Variants in PIK3C2G observed in about 807,000 individuals in gnomAD.
PIK3C2G encodes phosphatidylinositol 3-kinase C2 domain-containing subunit gamma.
PIK3C2G carries 168 observed loss-of-function variants against 181.1 expected under a neutral mutation model. The ratio of observed to expected loss-of-function variants is 0.93; its 90% CI spans 0.82 to 1.05. The LOEUF (loss-of-function observed/expected upper bound fraction) is 1.05, where lower values mean the gene tolerates loss of function less well. Ranked by LOEUF, PIK3C2G falls within the 50% of genes least tolerant of loss-of-function variation. The pLI, the probability that PIK3C2G is intolerant of heterozygous loss-of-function variation, is 0.00. For missense variants in PIK3C2G, 1,869 were observed against 1,732.8 expected (o/e 1.08, Z -1.40); for synonymous variants, 573 against 592.2 (o/e 0.97, Z 0.47).
chr12:18,703,739 C>T, the PIK3C2G span, among the ~76,000 whole-genome samples: 3 of 152,030 alleles, frequency 2.0e-5, no homozygotes, highest in Non-Finnish European at 2.9e-5. Flanking sequence ...TCACTTTTTC[C>T]CACACCAGGA....
intron 26 of PIK3C2G, among the ~76,000 whole-genome samples, chr12:18,549,334 A>C (rs2136284599): frequency 6.6e-6 from 1 of 152,238 alleles, no homozygotes; most frequent in African/African-American, 2.4e-5. Context: ...CCTATTTAAC[A>C]GAAAATGCAA....
rs141145312 is a variant in PIK3C2G, at chr12:18,359,399, T to C, written c.1626-3365T>C. Among the ~76,000 whole-genome samples, 54 of 152,346 alleles carry C rather than the reference T, an allele frequency of 3.5e-4. No individual in the cohort carries two copies. The Middle Eastern group carries it at 0.01, about 29-fold the overall frequency. On this transcript the variant is annotated intron_variant, in intron 11 of 32. Transcript: ENST00000538779. ...GTTTCCTGTTTGCTTCAGAAGAATA[T>C]GTATTCTGCTCCTGCTGAGTGGAAT...
chr12:18,244,678 G>A (rs10743262), upstream of PIK3C2G, among the ~76,000 whole-genome samples: 65,395 of 151,842 alleles, frequency 0.43, 14,645 homozygotes, highest in East Asian at 0.75. Context: ...GCACTGCCGC[G>A]ATGCTATCAA....
intron 25 of PIK3C2G, among the ~76,000 whole-genome samples, chr12:18,544,597 G>A (rs935872288): frequency 1.3e-5 from 2 of 151,818 alleles, no homozygotes; most frequent in African/African-American, 4.8e-5. Flanking sequence ...CCAGGAAAAA[G>A]AGAGAATCAA....
chr12:18,291,061 G>T, intron 4 of PIK3C2G, 49 bp downstream of exon 4: 1 of 1,124,258 alleles, frequency 8.9e-7, no homozygotes, highest in Non-Finnish European at 1.3e-6. Flanking sequence ...AGCTGGTATT[G>T]GCGACGTAGC....
intron 7 of PIK3C2G, among the ~76,000 whole-genome samples, chr12:18,322,350 C>A (rs931623379): frequency 6.7e-6 from 1 of 150,160 alleles, no homozygotes; most frequent in African/African-American, 2.5e-5. Flanking sequence ...CCACTGTACT[C>A]CAGCTTGGGT....
intron 29 of PIK3C2G, among the ~76,000 whole-genome samples, chr12:18,580,939 T>C (rs1315670621): frequency 6.6e-6 from 1 of 152,190 alleles, no homozygotes; most frequent in Non-Finnish European, 1.5e-5. Flanking sequence ...AGTTAATAAA[T>C]GGGAATGCTC....
At chr12:18,636,148 C>T (rs1377503438) in intron 31 of PIK3C2G, among the ~76,000 whole-genome samples, 1 of 152,156 alleles carries the variant, frequency 6.6e-6, no homozygotes, top group African/African-American at 2.4e-5. Context: ...TTGATGTACC[C>T]CTGAGGTAGG....
chr12:18,585,049 A>C (rs1317230516), intron 29 of PIK3C2G, among the ~76,000 whole-genome samples: 1 of 152,198 alleles, frequency 6.6e-6, no homozygotes, highest in Non-Finnish European at 1.5e-5. Flanking sequence ...AGGAGCACTA[A>C]ATATAGAAAG....
At chr12:18,247,314 G>A (rs992203663), upstream of PIK3C2G, among the ~76,000 whole-genome samples, 1 of 152,188 alleles carries the variant, frequency 6.6e-6, no homozygotes, top group African/African-American at 2.4e-5. Flanking sequence ...GAGAAAAACA[G>A]GACAATTAGA....
upstream of PIK3C2G, among the ~76,000 whole-genome samples, chr12:18,243,087 C>A (rs1948001648): frequency 6.6e-6 from 1 of 151,836 alleles, no homozygotes; most frequent in South Asian, 2.1e-4. Flanking sequence ...TGAAATGTAT[C>A]CTGAAATGAA....
intron 22 of PIK3C2G, among the ~76,000 whole-genome samples, chr12:18,501,295 T>C (rs1163202591): frequency 6.6e-6 from 1 of 152,126 alleles, no homozygotes; most frequent in East Asian, 1.9e-4. Context: ...CAAGGGCCTT[T>C]TTCACAAGGT....
Position 18,562,779 on chromosome 12 carries a change from A to C in PIK3C2G, c.3667A>C (p.Ile1223Leu). The C allele has an allele frequency of 1.2e-6, 2 of 1,608,256 alleles. No individual in the cohort carries two copies. Among genetic ancestry groups the C allele is most frequent in the Non-Finnish European group, 1.7e-6 (2 of 1,176,636 alleles). Residue 1223 changes from isoleucine (I) to leucine (L), a missense_variant, in exon 27 of 33, where the codon ATA becomes CTA. Physicochemically the swap from Ile to Leu is conservative, Grantham distance 5. Coordinates refer to ENST00000538779, the MANE Select transcript of PIK3C2G (RefSeq NM_001288772.2). ...LIHTLAQMSA[I>L]SPAKSTSQTF... Reference sequence around the variant, plus strand: ...CCACACACTTGCACAAATGTCAGCCATAAGCCCTGCCAAATCTACTTCACA... The same window carrying C: ...CCACACACTTGCACAAATGTCAGCCCTAAGCCCTGCCAAATCTACTTCACA...
chr12:18,655,881 G>A, the PIK3C2G span, among the ~76,000 whole-genome samples: 1 of 152,134 alleles, frequency 6.6e-6, no homozygotes, highest in Non-Finnish European at 1.5e-5. Flanking sequence ...CAGCCAAGAG[G>A]AGCTTCAGGA....
chr12:18,686,539 G>A, the PIK3C2G span, among the ~76,000 whole-genome samples: 2 of 151,680 alleles, frequency 1.3e-5, no homozygotes, highest in South Asian at 4.1e-4. Context: ...TGTTTAAATT[G>A]TATTTTCTTC....
Position 18,505,314 on chromosome 12 carries a change from C to A in PIK3C2G, c.3176C>A (p.Ser1059Tyr). The A allele has an allele frequency of 6.2e-7, 1 of 1,605,576 alleles. No individual in the cohort carries two copies. The highest frequency in any genetic ancestry group is 1.1e-5 in the South Asian group (1 of 89,174). Residue 1059 changes from serine to tyrosine, a missense_variant, in exon 24 of 33, where the codon TCC (serine) becomes TAC (tyrosine). Transcript: ENST00000538779. ...TAGGCCTTGAGGAACTTTTTCTACT[C>A]CTGTGCTGGCTGGTGTGTGGTAACA... ...YEKALRNFFY[S>Y]CAGWCVVTFI...
intron 29 of PIK3C2G, among the ~76,000 whole-genome samples, chr12:18,579,861 G>T (rs947288701): frequency 6.6e-6 from 1 of 152,090 alleles, no homozygotes; most frequent in African/African-American, 2.4e-5. Flanking sequence ...ACTGCTGGGC[G>T]TGGTGGCTTA....
At chr12:18,284,340 G>A (rs1027709108) in intron 2 of PIK3C2G, among the ~76,000 whole-genome samples, 17 of 152,012 alleles carry the variant, frequency 1.1e-4, no homozygotes, top group African/African-American at 3.9e-4. Context: ...CAAAATAGAT[G>A]TGGCCTAACA....
chr12:18,469,910 C>T (rs1347659941), intron 18 of PIK3C2G, among the ~76,000 whole-genome samples: 1 of 116,434 alleles, frequency 8.6e-6, no homozygotes, highest in African/African-American at 3.0e-5. Context: ...CAGCCACCTG[C>T]TACTCTTTTT....
Sources: gnomAD v4.1 joint callset for allele counts (sites outside exome capture counted in the v4.1 genomes callset) on GRCh38, gnomAD v4.1.1 for gene constraint, MANE v1.5 for transcripts, NCBI Gene and HGNC (gene_info 2026-07-23, HGNC 2026-07-21) for gene names.